The following SMS variants were observed in gnomAD, a reference collection of about 807,000 sequenced individuals.
SMS encodes the protein spermine synthase.
A neutral mutation model predicts 33.0 loss-of-function variants in SMS; 3 were observed. The observed-to-expected ratio is 0.09, with a 90% CI of 0.04 to 0.23. SMS has a LOEUF of 0.23. Among genes scored for constraint, SMS ranks in the 10% least tolerant of loss-of-function variants. SMS has a pLI of 1.00. For missense variants in SMS, 117 were observed against 288.6 expected, an observed-to-expected ratio of 0.41 and a Z score of 4.31; for synonymous variants, 103 against 112.2, an observed-to-expected ratio of 0.92 and a Z score of 0.52.
At chrX:21,947,343 A>G (rs1922311201) in intron 1 of SMS, among the ~76,000 whole-genome samples, 1 of 111,297 alleles carries the variant, frequency 9.0e-6, no homozygotes. Context: ...CCTACTCTAC[A>G]CGGACTGAAT....
At chrX:21,956,502 T>A (rs1205589221) in intron 1 of SMS, among the ~76,000 whole-genome samples, 3 of 110,431 alleles carry the variant, frequency 2.7e-5, no homozygotes, top group South Asian at 3.9e-4. Context: ...GGAGTCTTGC[T>A]CTTGTCACCC....
Position 21,985,204 on chromosome X carries a change from A to G in SMS, c.926A>G (p.Asp309Gly). Residue 309 changes from aspartate to glycine, a missense_variant, in exon 9 of 11, where the codon GAT becomes GGT. Asp to Gly is a moderately conservative substitution (Grantham distance 94). Around this residue, in one of 3 missense-constraint regions of SMS, gnomAD observed 69 missense variants for 203.8 expected, o/e 0.34. Transcript: ENST00000404933. The stretch of plus-strand genomic sequence containing the variant: ...CTCTCAATGAAAGTGTTGAAACAGG[A>G]TGGGAAATATTTTACACAGGTAGGC... ...LDLSMKVLKQDGKYFTQGNCV... is the reference protein window; with the variant it reads ...LDLSMKVLKQGGKYFTQGNCV... The G allele has an allele frequency of 8.5e-7, 1 of 1,171,769 alleles. No individual in the cohort carries two copies. The highest frequency in any genetic ancestry group is 1.2e-6 in the Non-Finnish European group (1 of 859,365).
intron 1 of SMS, among the ~76,000 whole-genome samples, chrX:21,947,507 C>G (rs762013340): frequency 8.9e-6 from 1 of 112,273 alleles, no homozygotes; most frequent in South Asian, 3.7e-4. Flanking sequence ...CTTTGGCACA[C>G]CTACCTCACT....
In SMS at chrX:21,940,759, A is replaced by G; in HGVS notation, c.-66A>G. ...CACTCCCAGCCGGCCGCAGCCTGACACGCCGCGCGGCCCCCCAGTCTCCCG... is the reference window on the plus strand; with the variant it reads ...CACTCCCAGCCGGCCGCAGCCTGACGCGCCGCGCGGCCCCCCAGTCTCCCG... On this transcript the variant is annotated 5_prime_UTR_variant, in exon 1 of 11. Coordinates refer to ENST00000404933, the MANE Select transcript of SMS (RefSeq NM_004595.5). 1.1e-6 allele frequency: 1 copy of G among 926,036 alleles called. No homozygotes were observed. The highest frequency in any genetic ancestry group is 2.2e-5 in the South Asian group (1 of 46,511). 76.3% of individuals were successfully genotyped at this position (926,036 alleles called of 1,213,427 possible).
At chrX:21,969,336 CAT>C (rs2044813209) in intron 2 of SMS, among the ~76,000 whole-genome samples, 1 of 111,900 alleles carries the variant, frequency 8.9e-6, no homozygotes, top group Non-Finnish European at 1.9e-5. Context: ...ATTTCTTCCT[CAT>C]ATGAACACCA....
chrX:21,971,486 A>G (rs1325980005), intron 2 of SMS, among the ~76,000 whole-genome samples: 1 of 111,971 alleles, frequency 8.9e-6, no homozygotes. Context: ...ACCAGCCTGC[A>G]GTTAGGAAAA....
chrX:21,969,479 C>T (rs1175806478), intron 2 of SMS, among the ~76,000 whole-genome samples: 2 of 111,958 alleles, frequency 1.8e-5, no homozygotes, highest in Non-Finnish European at 3.8e-5. Context: ...CTGAGCCCCT[C>T]CCTGTACCTG....
intron 3 of SMS, 86 bp from the exon 4 acceptor site, chrX:21,972,421 C>A: frequency 1.6e-6 from 1 of 620,789 alleles, no homozygotes; most frequent in Non-Finnish European, 2.7e-6. Flanking sequence ...ACAGCTCTGT[C>A]AACATGGCCT....
At chrX:21,945,784 C>A (rs1364386842) in intron 1 of SMS, among the ~76,000 whole-genome samples, 1 of 109,371 alleles carries the variant, frequency 9.1e-6, no homozygotes, top group Admixed American at 9.8e-5. Flanking sequence ...GGCACCACAC[C>A]CGGCTAATTT....
intron 9 of SMS, among the ~76,000 whole-genome samples, chrX:21,987,557 G>A (rs564751565): frequency 1.8e-5 from 2 of 112,462 alleles, no homozygotes; most frequent in African/African-American, 6.4e-5. Flanking sequence ...TCCTAGATTC[G>A]AGTAATCCTC....
chrX:21,971,123 G>A (rs1175007355), intron 2 of SMS, among the ~76,000 whole-genome samples: 2 of 108,978 alleles, frequency 1.8e-5, no homozygotes, highest in Non-Finnish European at 3.8e-5. Flanking sequence ...TTGAACCCAG[G>A]AGGTGGAGGC....
Position 21,984,327 on chromosome X carries a change from G to A in SMS, c.774G>A (p.Pro258=), listed in dbSNP as rs755358456. 11 of 1,176,896 alleles carry A rather than the reference G, an allele frequency of 9.3e-6. No individual in the cohort carries two copies. The highest frequency in any genetic ancestry group is 5.3e-5 in the South Asian group (3 of 56,203). The part of the protein sequence containing the change: ...CYQVLIEDCI[P]VLKRYAKEGR... ...AGGTTCTAATAGAAGACTGTATCCC[G>A]GTACTGAAGAGGTACGCCAAAGAAG... Residue 258 remains proline (P), a synonymous_variant, in exon 8 of 11, where the codon CCG becomes CCA. Coordinates refer to ENST00000404933, the MANE Select transcript of SMS (RefSeq NM_004595.5).
intron 1 of SMS, among the ~76,000 whole-genome samples, chrX:21,946,244 G>C (rs1194338074): frequency 8.9e-6 from 1 of 112,541 alleles, no homozygotes; most frequent in Non-Finnish European, 1.9e-5. Context: ...GCTGGGGAGG[G>C]GGAGGACTGA....
intron 5 of SMS, among the ~76,000 whole-genome samples, chrX:21,977,619 A>G (rs1924619524): frequency 8.9e-6 from 1 of 112,171 alleles, no homozygotes; most frequent in African/African-American, 3.2e-5. Context: ...CCTAAACCCC[A>G]GTCCACTTTG....
chrX:21,981,324 A>G (rs1236633324), intron 7 of SMS, among the ~76,000 whole-genome samples: 1 of 110,891 alleles, frequency 9.0e-6, no homozygotes, highest in Non-Finnish European at 1.9e-5. Context: ...CGTCTCAAAA[A>G]AAAAAAGGAA....
Position 21,948,439 on chromosome X carries a change from C to CTTTTTTTT in SMS, c.49+7576_49+7583dup, listed in dbSNP as rs59082770. Among the ~76,000 whole-genome samples the CTTTTTTTT allele has an allele frequency of 3.0e-4, 24 of 80,189 alleles. 1 individual carries two copies. The highest frequency in any genetic ancestry group is 1.3e-3 in the African/African-American group (24 of 19,009). 69.6% of individuals were successfully genotyped at this position (80,189 alleles called of 115,157 possible). A position where few individuals can be genotyped will look rare whatever the true frequency, so the allele number is the denominator to read the frequency against. ...AATAACCAGTAGTCAGTCAATGTGT[C>CTTTTTTTT]TTTTTTTTTTTTTTTTTAAGAAAGT... is the stretch of plus-strand genomic sequence containing the variant. On this transcript the variant is annotated intron_variant, in intron 1 of 10. Coordinates refer to ENST00000404933, the MANE Select transcript of SMS (RefSeq NM_004595.5).
At chrX:21,941,517 C>T (rs1416582151) in intron 1 of SMS, 1 of 129,580 alleles carries the variant, frequency 7.7e-6, no homozygotes. Flanking sequence ...GAAAAGGAAA[C>T]GATTATTATT....
intron 1 of SMS, among the ~76,000 whole-genome samples, chrX:21,966,827 A>T (rs1302742088): frequency 9.0e-6 from 1 of 111,169 alleles, no homozygotes; most frequent in Admixed American, 9.6e-5. Flanking sequence ...TTGTACTTGA[A>T]TTTATTTGCA....
intron 9 of SMS, among the ~76,000 whole-genome samples, chrX:21,989,971 G>C (rs766811028): frequency 1.8e-4 from 20 of 111,339 alleles, no homozygotes; most frequent in African/African-American, 6.5e-4. Context: ...TCGAACTCCT[G>C]ACCTGAAGTG....
Sources: gnomAD v4.1 joint callset for allele counts (sites outside exome capture counted in the v4.1 genomes callset) on GRCh38, gnomAD v4.1.1 for gene constraint, gnomAD v4.1.1 regional missense constraint, MANE v1.5 for transcripts, NCBI Gene and HGNC (gene_info 2026-07-23, HGNC 2026-07-21) for gene names.